The following TRAPPC9 variants were observed in gnomAD, a reference collection of about 807,000 sequenced individuals.
TRAPPC9 encodes trafficking protein particle complex subunit 9, also known as IKK2 binding protein.
A neutral mutation model predicts 124.0 loss-of-function variants in TRAPPC9; 83 were observed. That is an observed-to-expected ratio of 0.67 (90% confidence interval 0.56 to 0.80). TRAPPC9 has a LOEUF of 0.80. Among genes scored for constraint, TRAPPC9 ranks in the 30% least tolerant of loss-of-function variants. TRAPPC9 has a pLI of 0.00. For missense variants in TRAPPC9, 1,302 were observed against 1,508.3 expected, an observed-to-expected ratio of 0.86 and a Z score of 2.27; for synonymous variants, 638 against 617.5, an observed-to-expected ratio of 1.03 and a Z score of -0.49.
Position 139,899,478 on chromosome 8 carries a change from G to A in TRAPPC9, c.2964+10669C>T, listed in dbSNP as rs149284601. On this transcript the variant is annotated intron_variant, in intron 20 of 22. Transcript: ENST00000438773. The stretch of plus-strand genomic sequence containing the variant: ...GACCATCCTTCATCCTTATCTTCAC[G>A]TTGCGTAGGCAGAAGAGCAGGAAGA... Among the ~76,000 whole-genome samples, 270 of 152,210 alleles carry A rather than the reference G, an allele frequency of 1.8e-3. 2 individuals carry two copies. The highest frequency in any genetic ancestry group is 2.6e-3 in the Non-Finnish European group (176 of 68,022).
At chr8:139,909,646 A>G (rs1024404536) in intron 20 of TRAPPC9, among the ~76,000 whole-genome samples, 2 of 152,258 alleles carry the variant, frequency 1.3e-5, no homozygotes, top group East Asian at 3.8e-4. Context: ...CCATTGATCC[A>G]AAGTTCAGAC....
chr8:140,284,008 C>T lies in TRAPPC9; in HGVS notation c.1995G>A (p.Thr665=), dbSNP rs375784438. 23 of 1,614,078 alleles carry T rather than the reference C, an allele frequency of 1.4e-5. No individual in the cohort carries two copies. The highest frequency in any genetic ancestry group is 8.0e-5 in the African/African-American group (6 of 75,022). The change falls in exon 14 of 23, where the codon ACG becomes ACA. Residue 665 remains threonine (T), a synonymous_variant. Coordinates refer to ENST00000438773, the MANE Select transcript of TRAPPC9 (RefSeq NM_001160372.4). ...AACAGTCACTGAACACACCGAAGAC[C>T]GTGGTATGGTAACCTGGAATAGAAA... ...GTITVNGYHT[T]VFGVFSDCLL...
chr8:140,457,055 C>T (rs1055614657), intron 1 of TRAPPC9, among the ~76,000 whole-genome samples: 2 of 152,216 alleles, frequency 1.3e-5, no homozygotes, highest in African/African-American at 4.8e-5. Flanking sequence ...CGCCTGATGC[C>T]GCCCAGCTAG....
chr8:140,192,241 A>G (rs1226079947), intron 17 of TRAPPC9, among the ~76,000 whole-genome samples: 2 of 152,212 alleles, frequency 1.3e-5, no homozygotes, highest in Non-Finnish European at 2.9e-5. Flanking sequence ...AAGCCTAAGA[A>G]AGGGTTTCGG....
chr8:139,982,752 C>T (rs1430223096), intron 19 of TRAPPC9, among the ~76,000 whole-genome samples: 1 of 152,208 alleles, frequency 6.6e-6, no homozygotes. Context: ...CATCCAATCG[C>T]TTCAGTATTC....
chr8:139,894,554 C>T (rs552601323), intron 20 of TRAPPC9, among the ~76,000 whole-genome samples: 6 of 152,160 alleles, frequency 3.9e-5, no homozygotes, highest in East Asian at 1.9e-4. Context: ...GTGCCTGCAG[C>T]GGAGGGAGGG....
Position 140,134,217 on chromosome 8 carries a change from A to G in TRAPPC9, c.2556+87242T>C, listed in dbSNP as rs145317911. On this transcript the variant is annotated intron_variant, in intron 17 of 22. Transcript: ENST00000438773. ...TAGACACACAGACCAAGAGAATAAG[A>G]TTGAGAGTCAAGAAATAAACTCATA... 8.8e-3 allele frequency among the ~76,000 whole-genome samples: 1,341 copies of G among 152,282 alleles called. 17 individuals are homozygous for G. Among genetic ancestry groups the G allele is most frequent in the Middle Eastern group, 0.048 (14 of 294 alleles).
chr8:140,377,991 G>A (rs1388825187), intron 7 of TRAPPC9, among the ~76,000 whole-genome samples: 1 of 152,080 alleles, frequency 6.6e-6, no homozygotes, highest in Non-Finnish European at 1.5e-5. Context: ...ACTTAAATGA[G>A]ACCTTGGGAG....
chr8:140,152,227 T>C (rs2061554352), intron 17 of TRAPPC9, among the ~76,000 whole-genome samples: 2 of 131,040 alleles, frequency 1.5e-5, no homozygotes, highest in Non-Finnish European at 3.1e-5. Flanking sequence ...TCCCAGGAAC[T>C]TAAGCTTTAA....
intron 21 of TRAPPC9, among the ~76,000 whole-genome samples, chr8:139,844,887 G>C (rs1321067715): frequency 1.3e-5 from 2 of 152,204 alleles, no homozygotes; most frequent in Admixed American, 1.3e-4. Context: ...GGCCAGGCTT[G>C]GCCTGAAGGC....
intron 11 of TRAPPC9, among the ~76,000 whole-genome samples, chr8:140,299,306 G>T (rs1308828213): frequency 1.3e-5 from 2 of 152,190 alleles, no homozygotes; most frequent in Non-Finnish European, 2.9e-5. Flanking sequence ...TGTGGGCAGG[G>T]GGGGGTCAGG....
chr8:140,024,164 A>C, intron 17 of TRAPPC9, 85 bp from the exon 18 acceptor site: 2 of 1,520,264 alleles, frequency 1.3e-6, no homozygotes, highest in Non-Finnish European at 1.8e-6. Context: ...GGCTTCGCTT[A>C]GGAAGAGTCT....
At chr8:140,006,201 T>TG (rs1838735940) in intron 18 of TRAPPC9, among the ~76,000 whole-genome samples, 1 of 152,198 alleles carries the variant, frequency 6.6e-6, no homozygotes. Context: ...ACCCAGTCTT[T>TG]GTGAAGGGTC....
intron 17 of TRAPPC9, among the ~76,000 whole-genome samples, chr8:140,089,227 T>TC (rs200936671): frequency 0.012 from 1,755 of 152,068 alleles, 10 homozygotes; most frequent in Non-Finnish European, 0.018. Context: ...AAAAGCCTCT[T>TC]CCCCCCCGAG....
At chr8:140,260,987 C>A (rs903232524) in intron 15 of TRAPPC9, among the ~76,000 whole-genome samples, 1 of 152,214 alleles carries the variant, frequency 6.6e-6, no homozygotes, top group South Asian at 2.1e-4. Flanking sequence ...GGGTCAGACA[C>A]ACGTGAATCT....
rs1307305840 is a variant in TRAPPC9 at position 139,910,781 on chromosome 8, AC to A, written c.2811-482del. On this transcript the variant is annotated intron_variant, in intron 19 of 22. Coordinates refer to ENST00000438773, the MANE Select transcript of TRAPPC9 (RefSeq NM_001160372.4). The stretch of plus-strand genomic sequence containing the variant: ...CAGGCCAGGTGGGCGTGCCCCTCCC[AC>A]AGCCCCCCCTCAGCTCTCATTTGGA... Among the ~76,000 whole-genome samples, 7 of 82,436 alleles carry A rather than the reference AC, an allele frequency of 8.5e-5. No homozygotes were observed. In the East Asian group the frequency reaches 2.5e-3, roughly 30 times the overall value. 54.1% of individuals were successfully genotyped at this position (82,436 alleles called of 152,430 possible).
chr8:140,285,351 C>T (rs1249652768), intron 13 of TRAPPC9, among the ~76,000 whole-genome samples: 1 of 152,224 alleles, frequency 6.6e-6, no homozygotes, highest in Non-Finnish European at 1.5e-5. Context: ...ATGGGCCTAC[C>T]TCTGTCCCTT....
intron 17 of TRAPPC9, among the ~76,000 whole-genome samples, chr8:140,085,605 T>C (rs1291556420): frequency 1.3e-5 from 2 of 152,174 alleles, no homozygotes; most frequent in Non-Finnish European, 2.9e-5. Context: ...AGCCCAGGAC[T>C]TTCAATCCCA....
intron 1 of TRAPPC9, among the ~76,000 whole-genome samples, chr8:140,452,597 G>A (rs1387666121): frequency 1.3e-5 from 2 of 151,960 alleles, no homozygotes; most frequent in Non-Finnish European, 2.9e-5. Flanking sequence ...ACCTCTCTGA[G>A]CCAATTTTGT....
Sources: allele counts gnomAD v4.1 joint callset (sites outside exome capture counted in the v4.1 genomes callset), GRCh38; gene constraint gnomAD v4.1.1; transcripts MANE v1.5; gene names NCBI Gene and HGNC (gene_info 2026-07-23, HGNC 2026-07-21).